PPM1E: variants seen among roughly 807,000 people sequenced by gnomAD.
The protein encoded by PPM1E is protein phosphatase, Mg2+/Mn2+ dependent 1E.
A neutral mutation model predicts 65.9 loss-of-function variants in PPM1E; 20 were observed. The observed-to-expected ratio is 0.30, with a 90% CI of 0.21 to 0.44. The LOEUF is 0.44. Ranked by LOEUF, PPM1E falls within the 20% of genes least tolerant of loss-of-function variation. The probability of loss-of-function intolerance (pLI) is 1.00; values close to 1 mark genes in which losing one functional copy is unlikely to be tolerated. For synonymous variants in PPM1E, 352 were observed against 374.9 expected, an observed-to-expected ratio of 0.94 and a Z score of 0.70; for missense variants, 713 against 953.1, an observed-to-expected ratio of 0.75 and a Z score of 3.32.
intron 1 of PPM1E, among the ~76,000 whole-genome samples, chr17:58,949,765 C>T (rs958049774): frequency 6.6e-5 from 10 of 152,108 alleles, no homozygotes; most frequent in Non-Finnish European, 1.2e-4. Context: ...AGATGTAAGA[C>T]GCCCTTGAAC....
chr17:58,829,602 A>G (rs1216161915), intron 1 of PPM1E, among the ~76,000 whole-genome samples: 3 of 151,990 alleles, frequency 2.0e-5, no homozygotes, highest in African/African-American at 7.3e-5. Context: ...GACATTCTGG[A>G]GCTCTACCAT....
chr17:58,899,720 C>T (rs1283933036), intron 1 of PPM1E: 1 of 172,312 alleles, frequency 5.8e-6, no homozygotes, highest in Non-Finnish European at 1.3e-5. Flanking sequence ...TCATGCTCCT[C>T]GAGGAAAAAA....
At chr17:58,763,871 A>G (rs552201058) in intron 1 of PPM1E, among the ~76,000 whole-genome samples, 56 of 152,244 alleles carry the variant, frequency 3.7e-4, no homozygotes, top group African/African-American at 1.2e-3. Context: ...TTATGATTCC[A>G]TAATGATTTA....
chr17:58,837,083 A>C (rs1446430668), intron 1 of PPM1E, among the ~76,000 whole-genome samples: 1 of 150,594 alleles, frequency 6.6e-6, no homozygotes, highest in Non-Finnish European at 1.5e-5. Context: ...CAGCCACAAA[A>C]AATTTAAGAT....
At chr17:58,882,531 C>G (rs1247539674) in intron 1 of PPM1E, among the ~76,000 whole-genome samples, 1 of 152,054 alleles carries the variant, frequency 6.6e-6, no homozygotes, top group African/African-American at 2.4e-5. Context: ...GCTGGGATTA[C>G]AAGTGCGTGC....
At position 58,965,907 on chromosome 17, in the gene PPM1E, T is replaced by A. The variant is rs2030207062; in HGVS notation, c.783+14T>A. ...TTCAACCTAGAGGTAAAGGGCACTT[T>A]CGGAGAGTCAGTGAGATTTTAAAGA... is the stretch of plus-strand genomic sequence containing the variant. On this transcript the variant is annotated intron_variant, in intron 3 of 6. Coordinates refer to ENST00000308249, the MANE Select transcript of PPM1E (RefSeq NM_014906.5). 6.2e-7 allele frequency: 1 copy of A among 1,612,224 alleles called. No individual in the cohort carries two copies. The highest frequency in any genetic ancestry group is 8.5e-7 in the Non-Finnish European group (1 of 1,178,384).
intron 4 of PPM1E, among the ~76,000 whole-genome samples, chr17:58,970,963 TGTG>T (rs1220358462): frequency 6.6e-6 from 1 of 151,976 alleles, no homozygotes; most frequent in Non-Finnish European, 1.5e-5. Flanking sequence ...CTCAAAATTA[TGTG>T]TTGTTGTTGT....
intron 1 of PPM1E, among the ~76,000 whole-genome samples, chr17:58,839,779 G>C (rs145340387): frequency 1.3e-5 from 2 of 152,306 alleles, no homozygotes; most frequent in East Asian, 3.9e-4. Flanking sequence ...GAGGAAGCTA[G>C]AATGACCCAT....
chr17:58,905,140 T>C (rs1282964393), intron 1 of PPM1E, among the ~76,000 whole-genome samples: 1 of 152,228 alleles, frequency 6.6e-6, no homozygotes, highest in Non-Finnish European at 1.5e-5. Context: ...CATAGTTATG[T>C]TAGTTTTCTA....
intron 1 of PPM1E, among the ~76,000 whole-genome samples, chr17:58,847,350 C>G (rs564958476): frequency 6.6e-6 from 1 of 152,190 alleles, no homozygotes; most frequent in Non-Finnish European, 1.5e-5. Flanking sequence ...TTGCCCATGC[C>G]TATGGCCTGA....
At chr17:58,805,980 A>AAAAAAACAAAAC (rs2050307581) in intron 1 of PPM1E, among the ~76,000 whole-genome samples, 1 of 107,932 alleles carries the variant, frequency 9.3e-6, no homozygotes, top group Admixed American at 8.9e-5. Context: ...AAAACAAAAA[A>AAAAAAACAAAAC]AAAACAAAAC....
At chr17:58,812,303 C>CAAAAAA (rs35132799) in intron 1 of PPM1E, among the ~76,000 whole-genome samples, 4 of 49,770 alleles carry the variant, frequency 8.0e-5, no homozygotes, top group Non-Finnish European at 1.1e-4. Flanking sequence ...GACTCTGTTT[C>CAAAAAA]AAAAAAAAAA....
chr17:58,958,765 G>GT (rs993925255), intron 2 of PPM1E, among the ~76,000 whole-genome samples: 241 of 147,928 alleles, frequency 1.6e-3, no homozygotes, highest in East Asian at 7.9e-3. Flanking sequence ...AATTCCAATG[G>GT]TTTTTTTTTT....
At position 58,786,423 on chromosome 17, in the gene PPM1E, T is replaced by G. The variant is rs955636566; in HGVS notation, c.464+29962T>G. On this transcript the variant is annotated intron_variant, in intron 1 of 6. Coordinates refer to ENST00000308249, the MANE Select transcript of PPM1E (RefSeq NM_014906.5). Reference sequence around the variant, plus strand: ...CATTATTAAGTAAAATAAGAGTTCCTTGAATACAAACATTGCTATAATGTT... The same window carrying G: ...CATTATTAAGTAAAATAAGAGTTCCGTGAATACAAACATTGCTATAATGTT... 2.6e-5 allele frequency among the ~76,000 whole-genome samples: 4 copies of G among 152,314 alleles called. No individual in the cohort carries two copies. In the South Asian group the frequency reaches 8.3e-4, roughly 32 times the overall value.
At chr17:58,971,910 G>A (rs879760902) in intron 4 of PPM1E, among the ~76,000 whole-genome samples, 9 of 152,036 alleles carry the variant, frequency 5.9e-5, no homozygotes, top group South Asian at 2.1e-4. Context: ...AATCATCCTC[G>A]CCCTGCATAT....
intron 1 of PPM1E, among the ~76,000 whole-genome samples, chr17:58,890,978 C>CT (rs975815894): frequency 1.6e-4 from 24 of 150,456 alleles, no homozygotes; most frequent in African/African-American, 2.7e-4. Flanking sequence ...ATTTTTTTTT[C>CT]TTTTTTTTTG....
rs1041479380 is a variant in PPM1E at position 58,939,281 on chromosome 17, C to G, written c.465-16368C>G. Among the ~76,000 whole-genome samples, 55 of 152,134 alleles carry G rather than the reference C, an allele frequency of 3.6e-4. 2 individuals carry two copies. ...CCACCAAGCATGTTTTCAGCTGTGG[C>G]TATTTTTGAAATAGAATTGAGGAAG... On this transcript the variant is annotated intron_variant, in intron 1 of 6. Transcript: ENST00000308249.
intron 6 of PPM1E, among the ~76,000 whole-genome samples, chr17:58,978,270 C>T (rs1847916092): frequency 6.6e-6 from 1 of 152,190 alleles, no homozygotes; most frequent in South Asian, 2.1e-4. Context: ...AAGCAATATG[C>T]CACTGCTATA....
intron 1 of PPM1E, among the ~76,000 whole-genome samples, chr17:58,821,652 G>A (rs796269491): frequency 3.9e-5 from 6 of 152,222 alleles, no homozygotes; most frequent in South Asian, 2.1e-4. Flanking sequence ...ATTGAGAAGC[G>A]GATACTGGTT....
Sources: allele counts gnomAD v4.1 joint callset (sites outside exome capture counted in the v4.1 genomes callset), GRCh38; gene constraint gnomAD v4.1.1; transcripts MANE v1.5; gene names NCBI Gene and HGNC (gene_info 2026-07-23, HGNC 2026-07-21).